Variants in SPATA6 observed in about 807,000 individuals in gnomAD.
SPATA6 encodes spermatogenesis associated 6.
In SPATA6, 56 loss-of-function variants were observed where a neutral mutation model predicts 65.3. The observed-to-expected ratio is 0.86, with a 90% CI of 0.69 to 1.07. The LOEUF (loss-of-function observed/expected upper bound fraction) is 1.07. Among genes scored for constraint, SPATA6 ranks in the 50% least tolerant of loss-of-function variants. SPATA6 has a pLI of 0.00. For synonymous variants in SPATA6, 199 were observed against 213.2 expected (o/e 0.93, Z 0.58); for missense variants, 590 against 594.8 (o/e 0.99, Z 0.08).
chr1:48,390,409 G>A (rs940452256), intron 8 of SPATA6, among the ~76,000 whole-genome samples: 12 of 152,198 alleles, frequency 7.9e-5, no homozygotes, highest in African/African-American at 2.7e-4. Context: ...GGCTGGGAAG[G>A]ATGGGTTGGT....
At chr1:48,303,548 C>A (rs2148648369) in intron 12 of SPATA6, among the ~76,000 whole-genome samples, 1 of 152,268 alleles carries the variant, frequency 6.6e-6, no homozygotes, top group South Asian at 2.1e-4. Flanking sequence ...TGGCTTATTT[C>A]ACTTAACATG....
intron 7 of SPATA6, among the ~76,000 whole-genome samples, chr1:48,396,128 A>C (rs1650564990): frequency 6.6e-6 from 1 of 151,856 alleles, no homozygotes; most frequent in African/African-American, 2.4e-5. Flanking sequence ...CTAATCATTA[A>C]GGAGACAGAA....
chr1:48,276,933 G>C, the SPATA6 span, among the ~76,000 whole-genome samples: 1 of 151,852 alleles, frequency 6.6e-6, no homozygotes, highest in Non-Finnish European at 1.5e-5. Context: ...GGGTGTTCAA[G>C]TCTTCCACTA....
chr1:48,340,876 AT>A (rs1646197501), intron 11 of SPATA6, among the ~76,000 whole-genome samples: 1 of 152,190 alleles, frequency 6.6e-6, no homozygotes, highest in South Asian at 2.1e-4. Flanking sequence ...AAATTGTCAG[AT>A]AAACCACATT....
chr1:48,267,838 G>A, the SPATA6 span, among the ~76,000 whole-genome samples: 81,961 of 140,574 alleles, frequency 0.58, 24,412 homozygotes, highest in East Asian at 0.79. Flanking sequence ...TGCAAGTTCC[G>A]CCTCCCGGGT....
chr1:48,466,097 A>G (rs1320060008), intron 1 of SPATA6, among the ~76,000 whole-genome samples: 1 of 152,144 alleles, frequency 6.6e-6, no homozygotes, highest in Non-Finnish European at 1.5e-5. Context: ...TAGGGCACAC[A>G]ATACACCCCT....
At chr1:48,426,892 G>A (rs1460430283) in intron 3 of SPATA6, among the ~76,000 whole-genome samples, 1 of 149,746 alleles carries the variant, frequency 6.7e-6, no homozygotes, top group East Asian at 1.9e-4. Flanking sequence ...ATATAAATCA[G>A]GAAAAAAGTA....
At chr1:48,425,430 T>A (rs1460738814) in intron 3 of SPATA6, among the ~76,000 whole-genome samples, 1 of 152,200 alleles carries the variant, frequency 6.6e-6, no homozygotes, top group Non-Finnish European at 1.5e-5. Context: ...TATATACAAA[T>A]GTCAATAGTC....
intron 9 of SPATA6, among the ~76,000 whole-genome samples, chr1:48,361,610 C>G (rs1043343066): frequency 6.6e-6 from 1 of 152,046 alleles, no homozygotes; most frequent in African/African-American, 2.4e-5. Context: ...GTTATAGTAG[C>G]GCTATTTGTT....
chr1:48,276,359 T>A, the SPATA6 span, among the ~76,000 whole-genome samples: 23 of 152,270 alleles, frequency 1.5e-4, no homozygotes, highest in Admixed American at 6.5e-4. Context: ...CTGATCTTAT[T>A]TCTTATCTTC....
Position 48,395,265 on chromosome 1 carries a change from A to G in SPATA6, c.868+2T>C. On this transcript the variant is annotated splice_donor_variant, in intron 8 of 12. Transcript: ENST00000371847. LOFTEE classifies it high-confidence loss of function. ...AATGAATAAAGACAACTTCTAGCTTACCATTGTGCACCCTTGACCATCCAT... is the reference window on the plus strand; with the variant it reads ...AATGAATAAAGACAACTTCTAGCTTGCCATTGTGCACCCTTGACCATCCAT... 6.5e-7 allele frequency: 1 copy of G among 1,543,588 alleles called. No individual in the cohort carries two copies. The highest frequency in any genetic ancestry group is 8.8e-7 in the Non-Finnish European group (1 of 1,142,518).
intron 9 of SPATA6, among the ~76,000 whole-genome samples, chr1:48,364,781 G>A (rs765867131): frequency 1.8e-4 from 27 of 152,166 alleles, no homozygotes; most frequent in Non-Finnish European, 3.1e-4. Context: ...TTCTTTTGCT[G>A]TGCAGAAGCT....
At chr1:48,292,945 G>A (rs1644778090), downstream of SPATA6, among the ~76,000 whole-genome samples, 1 of 152,176 alleles carries the variant, frequency 6.6e-6, no homozygotes, top group Admixed American at 6.5e-5. Flanking sequence ...AAATAGCCTA[G>A]TCAGCTGGGG....
intron 3 of SPATA6, among the ~76,000 whole-genome samples, chr1:48,437,466 T>A (rs1454590766): frequency 1.3e-5 from 2 of 152,180 alleles, no homozygotes; most frequent in African/African-American, 4.8e-5. Context: ...TATTCTGGAA[T>A]TTTTTTCTAA....
At chr1:48,366,997 C>T (rs1647041749) in intron 9 of SPATA6, among the ~76,000 whole-genome samples, 1 of 152,066 alleles carries the variant, frequency 6.6e-6, no homozygotes, top group South Asian at 2.1e-4. Context: ...TATGTTGTGT[C>T]TTTGTTCTCG....
At chr1:48,356,194 A>G (rs1646654449) in intron 10 of SPATA6, among the ~76,000 whole-genome samples, 1 of 152,140 alleles carries the variant, frequency 6.6e-6, no homozygotes, top group Non-Finnish European at 1.5e-5. Flanking sequence ...TTTCTTTTCA[A>G]CACAGATGAT....
At chr1:48,287,528 C>G in the SPATA6 span, among the ~76,000 whole-genome samples, 1 of 152,196 alleles carries the variant, frequency 6.6e-6, no homozygotes, top group Non-Finnish European at 1.5e-5. Flanking sequence ...GATTTAGCAC[C>G]ATCCCCTTGT....
intron 9 of SPATA6, among the ~76,000 whole-genome samples, chr1:48,378,503 TAATTG>T (rs1648182653): frequency 6.6e-6 from 1 of 152,184 alleles, no homozygotes; most frequent in Non-Finnish European, 1.5e-5. Flanking sequence ...AAAAGAGGTT[TAATTG>T]GACTTACAGT....
intron 10 of SPATA6, among the ~76,000 whole-genome samples, chr1:48,358,075 C>A (rs1646706922): frequency 6.6e-6 from 1 of 151,912 alleles, no homozygotes; most frequent in Non-Finnish European, 1.5e-5. Flanking sequence ...TGTGTAAATG[C>A]CACCGCTATC....
Sources: gnomAD v4.1 joint callset for allele counts (sites outside exome capture counted in the v4.1 genomes callset) on GRCh38, gnomAD v4.1.1 for gene constraint, MANE v1.5 for transcripts, NCBI Gene and HGNC (gene_info 2026-07-23, HGNC 2026-07-21) for gene names.